BANP: variants seen among roughly 807,000 people sequenced by gnomAD.
The protein encoded by BANP is BTG3 associated nuclear protein, also known as protein BANP.
Under a neutral mutation model 68.1 loss-of-function variants are expected in BANP, and 11 were observed. That is an observed-to-expected ratio of 0.16 (90% CI 0.10 to 0.27). The LOEUF is 0.27. Ranked by LOEUF, BANP falls within the 10% of genes least tolerant of loss-of-function variation. The pLI, the probability that BANP is intolerant of heterozygous loss-of-function variation, is 1.00. For synonymous variants in BANP, 329 were observed against 303.2 expected (o/e 1.09, Z -0.88); for missense variants, 504 against 722.7 (o/e 0.70, Z 3.47).
chr16:88,059,396 C>T (rs1347929654), intron 11 of BANP, among the ~76,000 whole-genome samples: 1 of 152,116 alleles, frequency 6.6e-6, no homozygotes, highest in African/African-American at 2.4e-5. Flanking sequence ...TGCTTCTTTT[C>T]ATAAGGCCCC....
chr16:88,006,929 G>A (rs1468833882), intron 6 of BANP, among the ~76,000 whole-genome samples: 1 of 146,148 alleles, frequency 6.8e-6, no homozygotes, highest in East Asian at 2.0e-4. Flanking sequence ...TCTAGCCTGG[G>A]CGTCAGAGAC....
At chr16:87,987,339 A>C (rs2064705077) in intron 4 of BANP, among the ~76,000 whole-genome samples, 1 of 152,278 alleles carries the variant, frequency 6.6e-6, no homozygotes, top group East Asian at 1.9e-4. Context: ...TCGGCCTCCC[A>C]AAGTGCTGGG....
intron 11 of BANP, among the ~76,000 whole-genome samples, chr16:88,060,459 G>A (rs1217088132): frequency 2.0e-5 from 3 of 152,254 alleles, no homozygotes; most frequent in Non-Finnish European, 2.9e-5. Context: ...GGAGGCTTCC[G>A]ACTGAAGTGA....
Position 88,027,628 on chromosome 16 carries a change from C to T in BANP, c.1041C>T (p.Asn347=), listed in dbSNP as rs1431285725. 5.6e-6 allele frequency: 9 copies of T among 1,613,576 alleles called. No homozygotes were observed. The highest frequency in any genetic ancestry group is 1.1e-5 in the South Asian group (1 of 91,070). The part of the protein sequence containing the change: ...AVKSFSRRTP[N]SSSYCPSEPM... Reference sequence around the variant, plus strand: ...AGAGCTTCTCGCGGAGAACGCCCAACTCGTCCTCCTACTGCCCTTCAGGTA... The same window carrying T: ...AGAGCTTCTCGCGGAGAACGCCCAATTCGTCCTCCTACTGCCCTTCAGGTA... Residue 347 remains asparagine, a synonymous_variant, in exon 8 of 14, where the codon AAC becomes AAT. Transcript: ENST00000682872.
At chr16:88,020,672 G>T (rs1375039829) in intron 7 of BANP, among the ~76,000 whole-genome samples, 1 of 152,216 alleles carries the variant, frequency 6.6e-6, no homozygotes, top group East Asian at 1.9e-4. Flanking sequence ...TGTGCTGTGT[G>T]GGGCAGTGGC....
Position 88,018,741 on chromosome 16 carries a change from A to ACGCTGGCATCAGTAG in BANP, c.895+76_895+90dup, listed in dbSNP as rs1422834666. On this transcript the variant is annotated intron_variant, in intron 7 of 13. Coordinates refer to ENST00000682872, the MANE Select transcript of BANP (RefSeq NM_001386991.1). The surrounding 1 kb of genome is among the most constrained non-coding windows in gnomAD (Gnocchi z 7.7). ...CAGGACCCACATTTCAATGCTGAGG[A>ACGCTGGCATCAGTAG]CGCTGGCATCAGTAGCACCGGCACG... 17 of 1,485,938 alleles carry ACGCTGGCATCAGTAG rather than the reference A, an allele frequency of 1.1e-5. No homozygotes were observed. In the African/African-American group the frequency reaches 2.2e-4, roughly 20 times the overall value. The allele number at this position is 1,485,938 out of a possible 1,614,324, so 92.0% of individuals were successfully genotyped here. A position where few individuals can be genotyped will look rare whatever the true frequency, so the allele number is the denominator to read the frequency against.
rs188587107 is a variant in BANP, at chr16:87,983,823, G to C, written c.163-237G>C. On this transcript the variant is annotated intron_variant, in intron 3 of 13. Coordinates refer to ENST00000682872, the MANE Select transcript of BANP (RefSeq NM_001386991.1). ...TAACCAAGAATTGCAACTGCACGTA[G>C]AAGTGAAACCATGACTAAATCATCA... 1.5e-4 allele frequency among the ~76,000 whole-genome samples: 23 copies of C among 152,332 alleles called. No individual in the cohort carries two copies. The East Asian group carries it at 4.0e-3, about 27-fold the overall frequency.
chr16:88,075,024 C>T (rs972082689), intron 13 of BANP, among the ~76,000 whole-genome samples: 6 of 152,092 alleles, frequency 3.9e-5, no homozygotes, highest in African/African-American at 1.2e-4. Context: ...GGCAACGTAG[C>T]GAGACCCCCA....
chr16:87,977,790 C>G (rs1303816627), intron 2 of BANP, among the ~76,000 whole-genome samples: 1 of 152,142 alleles, frequency 6.6e-6, no homozygotes, highest in Non-Finnish European at 1.5e-5. Flanking sequence ...TGTCTGAATG[C>G]AAAAATTGTG....
At chr16:88,051,987 C>G (rs1052744208) in intron 11 of BANP, among the ~76,000 whole-genome samples, 18 of 152,172 alleles carry the variant, frequency 1.2e-4, no homozygotes, top group African/African-American at 4.3e-4. Context: ...TACTCCCAAT[C>G]AGTATGTTTC....
At chr16:87,983,614 G>C (rs28599942) in intron 3 of BANP, among the ~76,000 whole-genome samples, 1 of 151,736 alleles carries the variant, frequency 6.6e-6, no homozygotes, top group Non-Finnish European at 1.5e-5. Flanking sequence ...GCCACAGGGG[G>C]TCCCGTCACC....
intron 12 of BANP, among the ~76,000 whole-genome samples, chr16:88,069,735 C>T (rs997830534): frequency 4.6e-5 from 7 of 152,256 alleles, no homozygotes; most frequent in Admixed American, 1.3e-4. Context: ...CTTCACAACG[C>T]TCTGCTCCTT....
chr16:88,020,954 G>T (rs1207382187), intron 7 of BANP, among the ~76,000 whole-genome samples: 2 of 152,230 alleles, frequency 1.3e-5, no homozygotes, highest in Non-Finnish European at 2.9e-5. Flanking sequence ...TATTCAGGGA[G>T]TCCATGTAGG....
chr16:87,975,771 G>A (rs2061983082), intron 2 of BANP, among the ~76,000 whole-genome samples: 2 of 148,224 alleles, frequency 1.3e-5, no homozygotes, highest in African/African-American at 5.1e-5. Context: ...GTGGTGTCAT[G>A]GAACCTTACC....
At chr16:87,992,066 T>A (rs2066001470) in intron 4 of BANP, among the ~76,000 whole-genome samples, 1 of 152,252 alleles carries the variant, frequency 6.6e-6, no homozygotes, top group Non-Finnish European at 1.5e-5. Context: ...TTTTTTCTCA[T>A]GAATGAATGG....
chr16:87,963,361 C>T (rs558558297), intron 1 of BANP: 29 of 152,376 alleles, frequency 1.9e-4, no homozygotes, highest in African/African-American at 5.5e-4. Context: ...AGGGAATATA[C>T]TCAGTTCATA....
intron 4 of BANP, among the ~76,000 whole-genome samples, chr16:87,992,586 G>C (rs1476732418): frequency 6.6e-6 from 1 of 152,126 alleles, no homozygotes; most frequent in African/African-American, 2.4e-5. Flanking sequence ...CTGAAGTCAG[G>C]AGTTCGAGAC....
chr16:87,968,499 T>A (rs34080356), intron 1 of BANP, among the ~76,000 whole-genome samples: 91,448 of 144,562 alleles, frequency 0.63, 29,284 homozygotes, highest in Admixed American at 0.67. Context: ...AAAAAAAAAA[T>A]AAGTTTAGTT....
chr16:88,033,828 G>C (rs1598674762), intron 9 of BANP, among the ~76,000 whole-genome samples: 1 of 152,314 alleles, frequency 6.6e-6, no homozygotes, highest in African/African-American at 2.4e-5. Flanking sequence ...ATGCGCCTAG[G>C]GGCTTGCTCC....
Sources: gnomAD v4.1 joint callset for allele counts (sites outside exome capture counted in the v4.1 genomes callset) on GRCh38, gnomAD v4.1.1 for gene constraint, Gnocchi (gnomAD v3.1) non-coding constraint, MANE v1.5 for transcripts, NCBI Gene and HGNC (gene_info 2026-07-23, HGNC 2026-07-21) for gene names.